PLEKHG6: variants seen among roughly 807,000 people sequenced by gnomAD.
The protein encoded by PLEKHG6 is pleckstrin homology and RhoGEF domain containing G6.
In PLEKHG6, 91 loss-of-function variants were observed where a neutral mutation model predicts 97.5. That is an observed-to-expected ratio of 0.93 (90% confidence interval 0.79 to 1.11). The LOEUF (loss-of-function observed/expected upper bound fraction) is 1.11. PLEKHG6 is among the 50% of genes most tolerant of loss of function. PLEKHG6 has a pLI of 0.00. For synonymous variants in PLEKHG6, 466 were observed against 425.5 expected, an observed-to-expected ratio of 1.10 and a Z score of -1.17; for missense variants, 1,044 against 1,031.0, an observed-to-expected ratio of 1.01 and a Z score of -0.17.
Position 6,318,242 on chromosome 12 carries a change from G to T in PLEKHG6, c.1156-59G>T, listed in dbSNP as rs550644322. ...GGTGGCAGAACCAGGAGCCGCCCTTGGCCAGGAAGTCCAGGCAGACTGCCG... is the reference window on the plus strand; with the variant it reads ...GGTGGCAGAACCAGGAGCCGCCCTTTGCCAGGAAGTCCAGGCAGACTGCCG... On this transcript the variant is annotated intron_variant, in intron 10 of 15. Coordinates refer to ENST00000684764, the MANE Select transcript of PLEKHG6 (RefSeq NM_001384598.1). 6.8e-6 allele frequency: 11 copies of T among 1,609,404 alleles called. No individual in the cohort carries two copies. In the East Asian group the frequency reaches 2.2e-4, roughly 33 times the overall value.
At chr12:6,310,487 C>T (rs1309790468), upstream of PLEKHG6, 1 of 152,330 alleles carries the variant, frequency 6.6e-6, no homozygotes, top group Non-Finnish European at 1.5e-5. Context: ...TCCCAGCCCT[C>T]CCGCTCGGCC....
chr12:6,325,861 C>T (rs1029870350), intron 13 of PLEKHG6, among the ~76,000 whole-genome samples: 3 of 152,140 alleles, frequency 2.0e-5, no homozygotes, highest in Non-Finnish European at 2.9e-5. Context: ...AACACTAGCT[C>T]CAGAGTTTGG....
In PLEKHG6 at chr12:6,327,533, G is replaced by T; in HGVS notation, c.1950G>T (p.Pro650=). ...AACGCCGAAGCGCCCCCGAACTGCC[G>T]GAAGGAATCCTAAAAGGAGGCAGTC... The part of the protein sequence containing the change: ...APQRRSAPEL[P]EGILKGGSLP... The change falls in exon 15 of 16, where the codon CCG becomes CCT. Residue 650 remains proline (P), a synonymous_variant. Coordinates refer to ENST00000684764, the MANE Select transcript of PLEKHG6 (RefSeq NM_001384598.1). 1 of 1,343,838 alleles carries T rather than the reference G, an allele frequency of 7.4e-7. No individual in the cohort carries two copies. The highest frequency in any genetic ancestry group is 1.1e-5 in the South Asian group (1 of 87,296). The allele number at this position is 1,343,838 out of a possible 1,614,324, so 83.2% of individuals were successfully genotyped here. A position where few individuals can be genotyped will look rare whatever the true frequency, so the allele number is the denominator to read the frequency against.
At chr12:6,324,833 T>A (rs1484816739) in intron 13 of PLEKHG6, among the ~76,000 whole-genome samples, 1 of 151,986 alleles carries the variant, frequency 6.6e-6, no homozygotes, top group African/African-American at 2.4e-5. Context: ...TGCCCAGGAG[T>A]TGCTGGCTCA....
In PLEKHG6 at chr12:6,313,605, G is replaced by A. The variant is rs367809468; in HGVS notation, c.139-24G>A. The A allele has an allele frequency of 1.1e-5, 18 of 1,613,162 alleles. No individual in the cohort carries two copies. In the South Asian group the frequency reaches 1.4e-4, roughly 13 times the overall value. ...TTCTGGGGAAAGGGAGGCACCCCCA[G>A]AACTTCCCCTGCTCCTCTCCCAGGA... On this transcript the variant is annotated intron_variant, in intron 2 of 15. Coordinates refer to ENST00000684764, the MANE Select transcript of PLEKHG6 (RefSeq NM_001384598.1).
rs772157458 is a variant in PLEKHG6, at chr12:6,317,403, C to T, written c.857C>T (p.Ala286Val). Reference protein sequence around the residue: ...EQQETNPLFHAFVQWCEKHKR... With the variant: ...EQQETNPLFHVFVQWCEKHKR... ...CAAGAAACTAACCCTCTCTTCCATG[C>T]CTTCGTGCAGGTGGGAGAAGGGGTG... Residue 286 changes from alanine (A) to valine (V), a missense_variant, in exon 8 of 16, where the codon GCC becomes GTC. By Grantham distance (64) the Ala-to-Val change is moderately conservative. Coordinates refer to ENST00000684764, the MANE Select transcript of PLEKHG6 (RefSeq NM_001384598.1). The T allele has an allele frequency of 1.2e-6, 2 of 1,613,328 alleles. No individual in the cohort carries two copies. The highest frequency in any genetic ancestry group is 1.7e-6 in the Non-Finnish European group (2 of 1,179,364).
rs1030969383 is a variant in PLEKHG6 at position 6,317,294 on chromosome 12, T to A, written c.757-9T>A. The A allele has an allele frequency of 6.3e-7, 1 of 1,586,354 alleles. No homozygotes were observed. Among genetic ancestry groups the A allele is most frequent in the Non-Finnish European group, 8.7e-7 (1 of 1,154,900 alleles). On this transcript the variant is annotated splice_polypyrimidine_tract_variant and intron_variant, in intron 7 of 15. Coordinates refer to ENST00000684764, the MANE Select transcript of PLEKHG6 (RefSeq NM_001384598.1). ...GCCTGCTCCCCACCTCCCGTATCTG[T>A]CTCTCCAGTTTGGCCAGCGGTTCCA...
chr12:6,317,746 G>T, intron 9 of PLEKHG6, 50 bp downstream of exon 9: 1 of 1,601,578 alleles, frequency 6.2e-7, no homozygotes, highest in East Asian at 2.2e-5. Flanking sequence ...GACTGGGAGG[G>T]GGGTCTCTTT....
In PLEKHG6 at chr12:6,327,411, CAA is replaced by C. The variant is rs1947897753; in HGVS notation, c.1830_1831del (p.Arg611SerfsTer58). 4 of 1,614,038 alleles carry C rather than the reference CAA, an allele frequency of 2.5e-6. No homozygotes were observed. Among genetic ancestry groups the C allele is most frequent in the East Asian group, 2.2e-5 (1 of 44,892 alleles). On this transcript the variant is annotated frameshift_variant, in exon 15 of 16. Coordinates refer to ENST00000684764, the MANE Select transcript of PLEKHG6 (RefSeq NM_001384598.1). LOFTEE classifies it high-confidence loss of function. ...GSRSPLSRLR[Q>X]RALRRDPRLT... is the part of the protein sequence containing the mutation. The stretch of plus-strand genomic sequence containing the variant: ...CCGCTCCCCACTGAGCCGTCTACGC[CAA>C]AGAGCCCTTCGGCGGGACCCTCGCC...
At position 6,326,461 on chromosome 12, in the gene PLEKHG6, G is replaced by A; in HGVS notation, c.1558G>A (p.Val520Ile). The A allele has an allele frequency of 6.2e-7, 1 of 1,613,774 alleles. No homozygotes were observed. Among genetic ancestry groups the A allele is most frequent in the Non-Finnish European group, 8.5e-7 (1 of 1,179,850 alleles). ...ALQKLKAEEY[V>I]QQKRELLTLY... ...ACAGAAGCTGAAGGCAGAGGAGTATGTTCAACAGAAGAGGGAGCTCCTGAC... is the reference window on the plus strand; with the variant it reads ...ACAGAAGCTGAAGGCAGAGGAGTATATTCAACAGAAGAGGGAGCTCCTGAC... The change falls in exon 14 of 16, where the codon GTT becomes ATT. Residue 520 changes from valine to isoleucine, a missense_variant. Val to Ile is a conservative substitution (Grantham distance 29, BLOSUM62 3). Coordinates refer to ENST00000684764, the MANE Select transcript of PLEKHG6 (RefSeq NM_001384598.1).
intron 11 of PLEKHG6, 67 bp from the exon 12 acceptor site, chr12:6,318,678 C>A: frequency 6.4e-7 from 1 of 1,557,684 alleles, no homozygotes; most frequent in Non-Finnish European, 8.8e-7. Context: ...CCTGAGCCTC[C>A]TCCCGGACCA....
At position 6,317,713 on chromosome 12, in the gene PLEKHG6, G is replaced by C. The variant is rs778727489; in HGVS notation, c.1017+17G>C. 6.2e-7 allele frequency: 1 copy of C among 1,612,104 alleles called. No homozygotes were observed. The highest frequency in any genetic ancestry group is 1.1e-5 in the South Asian group (1 of 91,004). ...AATGCCATGGTAGGTGCCCCAGTGG[G>C]GCTGGGACTCTGGTGAATCGGGGAC... On this transcript the variant is annotated intron_variant, in intron 9 of 15. Coordinates refer to ENST00000684764, the MANE Select transcript of PLEKHG6 (RefSeq NM_001384598.1).
chr12:6,318,216 T>C, intron 10 of PLEKHG6, 85 bp from the exon 11 acceptor site: 1 of 1,592,376 alleles, frequency 6.3e-7, no homozygotes, highest in South Asian at 1.1e-5. Context: ...AGAAAGGTGT[T>C]GGTGGCAGAA....
intron 13 of PLEKHG6, 165 bp downstream of exon 13, chr12:6,319,273 C>T (rs113073634): frequency 0.023 from 13,992 of 614,950 alleles, 1,002 homozygotes; most frequent in African/African-American, 0.18. Context: ...CATGGTGAAA[C>T]CCCGTCTCTA....
rs1263757255 is a variant in PLEKHG6 at position 6,316,432 on chromosome 12, A to G, written c.756+28A>G. Reference sequence around the variant, plus strand: ...GAGGCCTGTGAAGGGCTGTGTCTGGATGGGGCAGGACTCGGAGCCCTCGGG... The same window carrying G: ...GAGGCCTGTGAAGGGCTGTGTCTGGGTGGGGCAGGACTCGGAGCCCTCGGG... On this transcript the variant is annotated intron_variant, in intron 7 of 15. Transcript: ENST00000684764. This position sits in a 1 kb window ranked among gnomAD's most constrained non-coding sequence, Gnocchi z 4.1. The G allele has an allele frequency of 1.9e-6, 3 of 1,551,894 alleles. No homozygotes were observed. The highest frequency in any genetic ancestry group is 1.7e-4 in the Middle Eastern group (1 of 5,906).
At position 6,318,750 on chromosome 12, in the gene PLEKHG6, C is replaced by T. The variant is rs764752022; in HGVS notation, c.1281C>T (p.Asp427=). ...CCCTACGCCCCCACCCCCAGCTGGACGTGTACCTGTTCCTCTTCTCTGATG... is the reference window on the plus strand; with the variant it reads ...CCCTACGCCCCCACCCCCAGCTGGATGTGTACCTGTTCCTCTTCTCTGATG... ...RVKEGREGKL[D]VYLFLFSDVL... is the part of the protein sequence containing the mutation. The change falls in exon 12 of 16, where the codon GAC becomes GAT. Residue 427 remains aspartate, a synonymous_variant. Coordinates refer to ENST00000684764, the MANE Select transcript of PLEKHG6 (RefSeq NM_001384598.1). 4.3e-6 allele frequency: 7 copies of T among 1,613,898 alleles called. No individual in the cohort carries two copies. In the South Asian group the frequency reaches 4.4e-5, roughly 10 times the overall value.
In PLEKHG6 at chr12:6,328,180, A is replaced by C; in HGVS notation, c.*35A>C. On this transcript the variant is annotated 3_prime_UTR_variant, in exon 16 of 16. Coordinates refer to ENST00000684764, the MANE Select transcript of PLEKHG6 (RefSeq NM_001384598.1). ...AGGACCTTTGGCATGCATCTCTCCC[A>C]GAGGAGATCTCTCCCCAGTAGTGCT... The C allele has an allele frequency of 3.7e-6, 6 of 1,606,290 alleles. No individual in the cohort carries two copies. The highest frequency in any genetic ancestry group is 5.1e-6 in the Non-Finnish European group (6 of 1,172,960).
At chr12:6,312,581 G>A in intron 2 of PLEKHG6, 2 of 1,264,626 alleles carry the variant, frequency 1.6e-6, no homozygotes, top group Non-Finnish European at 2.0e-6. Context: ...GAGAGGCGGA[G>A]CCAGGAGAAG....
Position 6,315,130 on chromosome 12 carries a change from C to T in PLEKHG6, c.420C>T (p.Thr140=), listed in dbSNP as rs867888901. ...GAGAGGGTGGCGACAGTGGCCTGAC[C>T]ATCGAGAAGTCCTGGAGGGAGCTGG... ...EIGEGGDSGL[T]IEKSWRELVP... is the part of the protein sequence containing the mutation. Residue 140 remains threonine (T), a synonymous_variant, in exon 4 of 16, where the codon ACC becomes ACT. Transcript: ENST00000684764. This position sits in a 1 kb window ranked among gnomAD's most constrained non-coding sequence, Gnocchi z 4.5. 1 of 1,612,272 alleles carries T rather than the reference C, an allele frequency of 6.2e-7. No homozygotes were observed. Among genetic ancestry groups the T allele is most frequent in the Admixed American group, 1.7e-5 (1 of 60,012 alleles).
Sources: gnomAD v4.1 joint callset for allele counts (sites outside exome capture counted in the v4.1 genomes callset) on GRCh38, gnomAD v4.1.1 for gene constraint, Gnocchi (gnomAD v3.1) non-coding constraint, MANE v1.5 for transcripts, NCBI Gene and HGNC (gene_info 2026-07-23, HGNC 2026-07-21) for gene names.